EXTL3: variants seen among roughly 807,000 people sequenced by gnomAD.
The protein encoded by EXTL3 is exostosin-like 3.
A neutral mutation model predicts 69.3 loss-of-function variants in EXTL3; 27 were observed. The ratio of observed to expected loss-of-function variants is 0.39; its 90% CI spans 0.29 to 0.54. EXTL3 has a LOEUF of 0.54. EXTL3 is among the 20% of genes least tolerant of loss of function. EXTL3 has a pLI of 0.69. For missense variants in EXTL3, 1,003 were observed against 1,231.8 expected, an observed-to-expected ratio of 0.81 and a Z score of 2.78; for synonymous variants, 511 against 499.4, an observed-to-expected ratio of 1.02 and a Z score of -0.31.
intron 6 of EXTL3, among the ~76,000 whole-genome samples, chr8:28,744,398 C>T (rs1407580977): frequency 6.6e-6 from 1 of 152,230 alleles, no homozygotes; most frequent in Non-Finnish European, 1.5e-5. Context: ...TGGCTCATGC[C>T]TGTAATCCCA....
At chr8:28,705,345 A>G (rs529333877) in intron 1 of EXTL3, among the ~76,000 whole-genome samples, 69 of 152,296 alleles carry the variant, frequency 4.5e-4, no homozygotes, top group African/African-American at 1.4e-3. Context: ...TGAATCAGAA[A>G]TATGGTAATG....
At chr8:28,702,141 G>C (rs936069308) in intron 1 of EXTL3, among the ~76,000 whole-genome samples, 2 of 151,752 alleles carry the variant, frequency 1.3e-5, no homozygotes, top group African/African-American at 2.4e-5. Context: ...ACCCCTTCCC[G>C]AGCACACCTT....
At chr8:28,714,839 C>T (rs573048262) in intron 2 of EXTL3, among the ~76,000 whole-genome samples, 4 of 152,316 alleles carry the variant, frequency 2.6e-5, no homozygotes, top group East Asian at 1.9e-4. Flanking sequence ...TTGCCGTCTC[C>T]GTGCACCTAT....
chr8:28,660,828 C>T (rs1291257571), intron 1 of EXTL3, among the ~76,000 whole-genome samples: 9 of 118,430 alleles, frequency 7.6e-5, no homozygotes, highest in Non-Finnish European at 1.3e-4. Flanking sequence ...CCCTCTATTC[C>T]GATTTTTGGC....
chr8:28,682,505 C>T (rs11996769), intron 1 of EXTL3, among the ~76,000 whole-genome samples: 8,599 of 152,068 alleles, frequency 0.057, 815 homozygotes, highest in African/African-American at 0.2. Flanking sequence ...TGCAATTGTG[C>T]GATCTCGGCT....
chr8:28,657,623 T>C (rs184544424), intron 1 of EXTL3, among the ~76,000 whole-genome samples: 114 of 152,354 alleles, frequency 7.5e-4, no homozygotes, highest in Admixed American at 5.4e-3. Context: ...TTTTTATTTT[T>C]AATGTATACA....
chr8:28,738,897 CCTTCT>C (rs1254609391), intron 5 of EXTL3, among the ~76,000 whole-genome samples: 1 of 152,208 alleles, frequency 6.6e-6, no homozygotes, highest in Non-Finnish European at 1.5e-5. Flanking sequence ...GCACCTGCCT[CCTTCT>C]CTTTGTCTGC....
chr8:28,670,636 T>C (rs1423378408), intron 1 of EXTL3, among the ~76,000 whole-genome samples: 1 of 152,202 alleles, frequency 6.6e-6, no homozygotes, highest in Non-Finnish European at 1.5e-5. Context: ...ATGTCAACTG[T>C]GATGCTCAAC....
At chr8:28,747,265 C>T (rs1466875894) in intron 6 of EXTL3, among the ~76,000 whole-genome samples, 1 of 152,188 alleles carries the variant, frequency 6.6e-6, no homozygotes, top group African/African-American at 2.4e-5. Context: ...TAACTCAGTG[C>T]TGACGTGATC....
intron 1 of EXTL3, among the ~76,000 whole-genome samples, chr8:28,689,851 A>G (rs962711604): frequency 2.6e-5 from 4 of 152,226 alleles, no homozygotes; most frequent in African/African-American, 9.6e-5. Flanking sequence ...CTTGCTAGAG[A>G]TGGATTATTC....
chr8:28,667,136 C>T (rs1041518716), intron 1 of EXTL3, among the ~76,000 whole-genome samples: 2 of 152,156 alleles, frequency 1.3e-5, no homozygotes, highest in African/African-American at 2.4e-5. Context: ...AGAAAAATTG[C>T]GCTGAACAAG....
At chr8:28,699,911 G>A (rs530897467), upstream of EXTL3, 1 of 152,316 alleles carries the variant, frequency 6.6e-6, no homozygotes, top group East Asian at 1.9e-4. Context: ...GTAACTGCAC[G>A]TCCTCTCTCG....
intron 2 of EXTL3, among the ~76,000 whole-genome samples, chr8:28,611,589 A>C (rs1806271773): frequency 6.6e-6 from 1 of 152,202 alleles, no homozygotes; most frequent in Non-Finnish European, 1.5e-5. Context: ...CTTTAGCTAG[A>C]GCATGATCTC....
intron 3 of EXTL3, among the ~76,000 whole-genome samples, chr8:28,728,171 G>A (rs1306602771): frequency 1.3e-5 from 2 of 152,148 alleles, no homozygotes; most frequent in Admixed American, 6.5e-5. Context: ...TTTCCAAGGC[G>A]GACCTTATTT....
chr8:28,659,448 G>A (rs973778627), intron 1 of EXTL3, among the ~76,000 whole-genome samples: 1 of 152,174 alleles, frequency 6.6e-6, no homozygotes, highest in Admixed American at 6.5e-5. Flanking sequence ...GGATTCTCAC[G>A]CCTGATTAGA....
intron 1 of EXTL3, among the ~76,000 whole-genome samples, chr8:28,683,842 C>T (rs1807532020): frequency 6.6e-6 from 1 of 151,916 alleles, no homozygotes; most frequent in Non-Finnish European, 1.5e-5. Context: ...TCTATAGTCA[C>T]CCTGTTGTGC....
chr8:28,686,173 G>A (rs1807574122), intron 1 of EXTL3, among the ~76,000 whole-genome samples: 1 of 151,922 alleles, frequency 6.6e-6, no homozygotes, highest in Admixed American at 6.6e-5. Flanking sequence ...GCCTATGTTT[G>A]CGTATATGTA....
chr8:28,634,643 T>C (rs778523889), intron 1 of EXTL3, among the ~76,000 whole-genome samples: 34 of 150,780 alleles, frequency 2.3e-4, no homozygotes, highest in Non-Finnish European at 4.1e-4. Flanking sequence ...TTGCCCAGGC[T>C]GGAGTGCAGT....
intron 1 of EXTL3, among the ~76,000 whole-genome samples, chr8:28,635,465 G>A (rs1225695795): frequency 6.6e-6 from 1 of 150,732 alleles, no homozygotes; most frequent in Non-Finnish European, 1.5e-5. Flanking sequence ...ACTCTGGGAG[G>A]CCGAGGCGGG....
Sources: gnomAD v4.1 joint callset for allele counts (sites outside exome capture counted in the v4.1 genomes callset) on GRCh38, gnomAD v4.1.1 for gene constraint, MANE v1.5 for transcripts, NCBI Gene and HGNC (gene_info 2026-07-23, HGNC 2026-07-21) for gene names.